ACAP2: variants seen among roughly 807,000 people sequenced by gnomAD.
ACAP2 encodes the protein ArfGAP with coiled-coil, ankyrin repeat and PH domains 2.
A neutral mutation model predicts 115.8 loss-of-function variants in ACAP2; 39 were observed. That is an observed-to-expected ratio of 0.34 (90% confidence interval 0.26 to 0.44). The LOEUF (loss-of-function observed/expected upper bound fraction) is 0.44, where lower values mean the gene tolerates loss of function less well. ACAP2 is among the 20% of genes least tolerant of loss of function. The pLI, the probability that ACAP2 is intolerant of heterozygous loss-of-function variation, is 1.00. For missense variants in ACAP2, 662 were observed against 927.6 expected, an observed-to-expected ratio of 0.71 and a Z score of 3.72; for synonymous variants, 289 against 315.8, an observed-to-expected ratio of 0.92 and a Z score of 0.90.
intron 6 of ACAP2, among the ~76,000 whole-genome samples, chr3:195,337,474 G>A (rs1352515775): frequency 7.5e-6 from 1 of 133,136 alleles, no homozygotes. Flanking sequence ...TTGACACAGA[G>A]TTTTGCTCTT....
chr3:195,335,078 G>T (rs936744839), intron 7 of ACAP2, among the ~76,000 whole-genome samples: 2 of 152,074 alleles, frequency 1.3e-5, no homozygotes, highest in Admixed American at 6.6e-5. Context: ...TAAAGGCAAT[G>T]AAAATATATG....
chr3:195,335,017 G>C (rs186658698), intron 7 of ACAP2, among the ~76,000 whole-genome samples: 1 of 152,196 alleles, frequency 6.6e-6, no homozygotes, highest in East Asian at 1.9e-4. Flanking sequence ...CTCACCACCT[G>C]TTTTTTGATA....
intron 4 of ACAP2, among the ~76,000 whole-genome samples, chr3:195,363,007 A>G (rs548369361): frequency 2.0e-5 from 3 of 152,334 alleles, no homozygotes; most frequent in Admixed American, 6.5e-5. Context: ...GGCAAGAATA[A>G]AGTCAAATTA....
At chr3:195,391,495 G>C (rs1426444380) in intron 2 of ACAP2, among the ~76,000 whole-genome samples, 2 of 151,678 alleles carry the variant, frequency 1.3e-5, no homozygotes, top group African/African-American at 4.8e-5. Context: ...CAAAGTGCTG[G>C]GATTACAGGC....
rs138021540 is a variant in ACAP2, at chr3:195,432,506, G to C, written c.53+10289C>G. Among the ~76,000 whole-genome samples, 871 of 152,238 alleles carry C rather than the reference G, an allele frequency of 5.7e-3. 4 individuals carry two copies. Among genetic ancestry groups the C allele is most frequent in the Admixed American group, 9.0e-3 (137 of 15,286 alleles). ...TAAAACTGGCTCACCATAAATGCAA[G>C]GCTTTGTTTCTGGACTCTTCAATTC... On this transcript the variant is annotated intron_variant, in intron 1 of 22. Coordinates refer to ENST00000326793, the MANE Select transcript of ACAP2 (RefSeq NM_012287.6).
chr3:195,433,092 T>G (rs1216377392), intron 1 of ACAP2, among the ~76,000 whole-genome samples: 3 of 152,124 alleles, frequency 2.0e-5, no homozygotes, highest in Non-Finnish European at 4.4e-5. Flanking sequence ...GGACTCCCCC[T>G]GCCCACCCCC....
At chr3:195,292,580 G>A in intron 18 of ACAP2, 128 bp from the exon 19 acceptor site, 3 of 832,994 alleles carry the variant, frequency 3.6e-6, no homozygotes, top group Non-Finnish European at 5.5e-6. Context: ...AGTAAAGATA[G>A]CACACTAATG....
intron 8 of ACAP2, among the ~76,000 whole-genome samples, chr3:195,331,958 C>T (rs1560252448): frequency 1.3e-5 from 2 of 151,706 alleles, no homozygotes; most frequent in Non-Finnish European, 2.9e-5. Flanking sequence ...CACGGTGAAA[C>T]CCCATCTCTA....
intron 10 of ACAP2, among the ~76,000 whole-genome samples, chr3:195,314,011 A>C (rs2109008087): frequency 6.6e-6 from 1 of 152,268 alleles, no homozygotes; most frequent in Non-Finnish European, 1.5e-5. Flanking sequence ...AGTTCACATA[A>C]GACATAAAAC....
chr3:195,419,093 T>G (rs1560351139), intron 1 of ACAP2, among the ~76,000 whole-genome samples: 1 of 152,182 alleles, frequency 6.6e-6, no homozygotes, highest in East Asian at 1.9e-4. Context: ...GAGACAAAAT[T>G]CAAATACCAT....
chr3:195,336,747 A>C (rs1361882490), intron 7 of ACAP2, 185 bp downstream of exon 7: 2 of 603,880 alleles, frequency 3.3e-6, no homozygotes, highest in East Asian at 5.9e-5. Context: ...TGAGACACAC[A>C]AACAACTGTA....
At chr3:195,316,893 ATTTTTTTTT>A (rs60184290) in intron 10 of ACAP2, among the ~76,000 whole-genome samples, 7 of 53,884 alleles carry the variant, frequency 1.3e-4, no homozygotes, top group Admixed American at 3.2e-4. Context: ...ATGTCAGTGA[ATTTTTTTTT>A]TTTTTTTTTT....
At chr3:195,376,009 A>T (rs1461528707) in intron 4 of ACAP2, among the ~76,000 whole-genome samples, 1 of 152,222 alleles carries the variant, frequency 6.6e-6, no homozygotes, top group Admixed American at 6.5e-5. Context: ...TAGGAAAATA[A>T]GCCACTCTTC....
rs183397839 is a variant in ACAP2 at position 195,336,105 on chromosome 3, T to C, written c.573+827A>G. The C allele has an allele frequency of 2.0e-5, 3 of 152,048 alleles. No individual in the cohort carries two copies. The East Asian group carries it at 5.8e-4, about 29-fold the overall frequency. 9.4% of individuals were successfully genotyped at this position (152,048 alleles called of 1,614,324 possible). ...TTTTAGTTCAGATGGGGTTTCACCA[T>C]GTTGGCCAGGCTGATCTCGAACTCC... On this transcript the variant is annotated intron_variant, in intron 7 of 22. Transcript: ENST00000326793.
At chr3:195,346,238 G>A (rs1216653899) in intron 4 of ACAP2, among the ~76,000 whole-genome samples, 1 of 151,962 alleles carries the variant, frequency 6.6e-6, no homozygotes, top group Non-Finnish European at 1.5e-5. Context: ...CCCAAAGTAA[G>A]CAGAAGAAAG....
chr3:195,385,245 TC>T lies in ACAP2; in HGVS notation c.112-3224del, dbSNP rs751250224. ...CTGGTCAACAACCCTATCTCTGTAT[TC>T]AAAAAAAAAAAAAAAAGATTCTTAG... On this transcript the variant is annotated intron_variant, in intron 2 of 22. Coordinates refer to ENST00000326793, the MANE Select transcript of ACAP2 (RefSeq NM_012287.6). 7.6e-3 allele frequency among the ~76,000 whole-genome samples: 961 copies of T among 126,624 alleles called. 8 individuals are homozygous for T. The highest frequency in any genetic ancestry group is 0.01 in the Non-Finnish European group (605 of 58,478). The allele number at this position is 126,624 out of a possible 152,430, so 83.1% of individuals were successfully genotyped here. A position where few individuals can be genotyped will look rare whatever the true frequency, so the allele number is the denominator to read the frequency against.
intron 6 of ACAP2, 60 bp downstream of exon 6, chr3:195,342,411 A>T (rs1433889272): frequency 2.7e-6 from 4 of 1,469,040 alleles, no homozygotes; most frequent in Non-Finnish European, 3.6e-6. Context: ...GATCACTCAA[A>T]AGTAACAACC....
chr3:195,440,282 T>C (rs998448024), intron 1 of ACAP2, among the ~76,000 whole-genome samples: 5 of 152,300 alleles, frequency 3.3e-5, no homozygotes, highest in Admixed American at 6.5e-5. Context: ...AAAGTAACCA[T>C]TGACTATTCA....
Position 195,333,019 on chromosome 3 carries a change from C to T in ACAP2, c.669+9G>A, listed in dbSNP as rs776765543. On this transcript the variant is annotated intron_variant, in intron 8 of 22. Transcript: ENST00000326793. Reference sequence around the variant, plus strand: ...TAAAACAGAATCAAGAAATATACTGCAACATTACCTGTGCACCAAGATCCT... The same window carrying T: ...TAAAACAGAATCAAGAAATATACTGTAACATTACCTGTGCACCAAGATCCT... 3 of 1,573,488 alleles carry T rather than the reference C, an allele frequency of 1.9e-6. No individual in the cohort carries two copies. Among genetic ancestry groups the T allele is most frequent in the Admixed American group, 1.8e-5 (1 of 56,276 alleles).
Sources: allele counts gnomAD v4.1 joint callset (sites outside exome capture counted in the v4.1 genomes callset), GRCh38; gene constraint gnomAD v4.1.1; transcripts MANE v1.5; gene names NCBI Gene and HGNC (gene_info 2026-07-23, HGNC 2026-07-21).